POLE: variants seen among roughly 807,000 people sequenced by gnomAD.
POLE encodes DNA polymerase epsilon catalytic subunit A.
In POLE, 188 loss-of-function variants were observed where a neutral mutation model predicts 279.2. That is an observed-to-expected ratio of 0.67 (90% CI 0.60 to 0.76). POLE has a LOEUF of 0.76. Ranked by LOEUF, POLE falls within the 30% of genes least tolerant of loss-of-function variation. The pLI, the probability that POLE is intolerant of heterozygous loss-of-function variation, is 0.00. For synonymous variants in POLE, 1,214 were observed against 1,172.5 expected, an observed-to-expected ratio of 1.04 and a Z score of -0.72; for missense variants, 2,703 against 3,016.7, an observed-to-expected ratio of 0.90 and a Z score of 2.44.
chr12:132,657,358 G>A lies in POLE; in HGVS notation c.3450C>T (p.Ala1150=), dbSNP rs1207177804. The part of the protein sequence containing the change: ...AIQKIITIPA[A]LQQVKNPVPR... ...CTGACCCCGCCCTTACCTGCTGCAG[G>A]GCCGCAGGGATGGTGATGATCTTCT... Residue 1150 remains alanine (A), a synonymous_variant, in exon 28 of 49, where the codon GCC becomes GCT. Transcript: ENST00000320574. 1 of 1,613,942 alleles carries A rather than the reference G, an allele frequency of 6.2e-7. No individual in the cohort carries two copies. Among genetic ancestry groups the A allele is most frequent in the African/African-American group, 1.3e-5 (1 of 74,892 alleles).
Position 132,668,585 on chromosome 12 carries a change from C to T in POLE, c.2026+50G>A, listed in dbSNP as rs374062368. 3.4e-5 allele frequency: 54 copies of T among 1,586,942 alleles called. No individual in the cohort carries two copies. The highest frequency in any genetic ancestry group is 4.2e-5 in the Non-Finnish European group (49 of 1,159,850). ...ACCAAGTGGAGAAAGGCGGCCGACA[C>T]TCACCCACCCGTTTCCCACCGAGTG... On this transcript the variant is annotated intron_variant, in intron 18 of 48. Coordinates refer to ENST00000320574, the MANE Select transcript of POLE (RefSeq NM_006231.4). The surrounding 1 kb of genome is among the most constrained non-coding windows in gnomAD (Gnocchi z 4.0).
At position 132,635,895 on chromosome 12, in the gene POLE, T is replaced by C. The variant is rs764895623; in HGVS notation, c.5808A>G (p.Gly1936=). The change falls in exon 42 of 49, where the codon GGA becomes GGG. Residue 1936 remains glycine, a synonymous_variant. Coordinates refer to ENST00000320574, the MANE Select transcript of POLE (RefSeq NM_006231.4). The part of the protein sequence containing the change: ...KGKVSSRIHC[G]LQDSQKAGGA... ...TGCCACACTGCAGCTCGCTTACCAG[T>C]CCACAGTGAATACGAGATGAAACTT... 2.5e-6 allele frequency: 4 copies of C among 1,611,870 alleles called. No homozygotes were observed. Among genetic ancestry groups the C allele is most frequent in the South Asian group, 1.1e-5 (1 of 90,806 alleles).
rs1032708154 is a variant in POLE, at chr12:132,661,886, G to A, written c.2707-202C>T. Reference sequence around the variant, plus strand: ...CAGGTGTATCTGTTAGGTCCAAGAAGCCAGACCCAAAATGCTACAGGCCGT... The same window carrying A: ...CAGGTGTATCTGTTAGGTCCAAGAAACCAGACCCAAAATGCTACAGGCCGT... On this transcript the variant is annotated intron_variant, in intron 23 of 48. Transcript: ENST00000320574. This position sits in a 1 kb window ranked among gnomAD's most constrained non-coding sequence, Gnocchi z 4.1. 6.6e-6 allele frequency among the ~76,000 whole-genome samples: 1 copy of A among 152,210 alleles called. No homozygotes were observed. The highest frequency in any genetic ancestry group is 1.5e-5 in the Non-Finnish European group (1 of 68,048).
intron 39 of POLE, chr12:132,641,360 C>G (rs1427318608): frequency 2.1e-6 from 1 of 487,378 alleles, no homozygotes. Flanking sequence ...TGTGATGTAC[C>G]TTTGGTCACA....
In POLE at chr12:132,624,705, C is replaced by T. The variant is rs1245794040; in HGVS notation, c.6853G>A (p.Gly2285Ser). 9 of 1,607,022 alleles carry T rather than the reference C, an allele frequency of 5.6e-6. No homozygotes were observed. Among genetic ancestry groups the T allele is most frequent in the East Asian group, 2.2e-5 (1 of 44,838 alleles). ...CCGGGGCCCGGGGCTGGCTAATGGC[C>T]CAGCTGTGGGTTCTTCTGCAGCAGC... ...EWLLQKNPQL[G>S]H The change falls in exon 49 of 49, where the codon GGC becomes AGC. Residue 2285 changes from glycine (G) to serine (S), a missense_variant. By Grantham distance (56) the Gly-to-Ser change is moderately conservative. This residue lies in a region of POLE where 1,551 missense variants were observed against 1,686.1 expected (regional missense o/e 0.92). Coordinates refer to ENST00000320574, the MANE Select transcript of POLE (RefSeq NM_006231.4).
chr12:132,625,146 T>A (rs1039235394), intron 47 of POLE, 152 bp from the exon 48 acceptor site: 1 of 685,324 alleles, frequency 1.5e-6, no homozygotes, highest in Admixed American at 2.1e-5. Context: ...ATGAGTAAAA[T>A]GCACGACCTC....
chr12:132,678,953 C>T (rs2043112090), intron 6 of POLE, among the ~76,000 whole-genome samples: 1 of 152,194 alleles, frequency 6.6e-6, no homozygotes, highest in African/African-American at 2.4e-5. Context: ...TAGAAATGTT[C>T]AGCATCCCAA....
At position 132,642,897 on chromosome 12, in the gene POLE, G is replaced by A. The variant is rs750079093; in HGVS notation, c.4651C>T (p.His1551Tyr). The change falls in exon 36 of 49, where the codon CAC (histidine) becomes TAC (tyrosine). Residue 1551 changes from histidine to tyrosine, a missense_variant. Coordinates refer to ENST00000320574, the MANE Select transcript of POLE (RefSeq NM_006231.4). ...VGPELLPPPK[H>Y]TFEVRAETDL... The stretch of plus-strand genomic sequence containing the variant: ...GTTTCTGCCCGAACTTCGAAGGTGT[G>A]TTTGGGGGGTGGCAGGAGCTCAGGG... 2 of 1,613,814 alleles carry A rather than the reference G, an allele frequency of 1.2e-6. No individual in the cohort carries two copies. The highest frequency in any genetic ancestry group is 1.7e-4 in the Middle Eastern group (1 of 6,050).
At position 132,634,481 on chromosome 12, in the gene POLE, G is replaced by A. The variant is rs2041997251; in HGVS notation, c.5812-103C>T. 1.5e-5 allele frequency: 17 copies of A among 1,150,732 alleles called. No homozygotes were observed. Among genetic ancestry groups the A allele is most frequent in the South Asian group, 8.7e-5 (6 of 69,276 alleles). The allele number at this position is 1,150,732 out of a possible 1,614,324, so 71.3% of individuals were successfully genotyped here. ...CCTCCAACCTGGGTCCATCTGCCCCGTTTGACCAGAGGCCTTCCTCGCAGT... is the reference window on the plus strand; with the variant it reads ...CCTCCAACCTGGGTCCATCTGCCCCATTTGACCAGAGGCCTTCCTCGCAGT... On this transcript the variant is annotated intron_variant, in intron 42 of 48. Coordinates refer to ENST00000320574, the MANE Select transcript of POLE (RefSeq NM_006231.4). This position sits in a 1 kb window ranked among gnomAD's most constrained non-coding sequence, Gnocchi z 4.0.
chr12:132,665,605 T>G (rs1273284276), intron 20 of POLE, among the ~76,000 whole-genome samples, 155 bp from the exon 21 acceptor site: 3 of 152,148 alleles, frequency 2.0e-5, no homozygotes, highest in Non-Finnish European at 2.9e-5. Flanking sequence ...TCTCCTAGAC[T>G]GGCCAACTGT....
chr12:132,660,811 A>G, intron 25 of POLE, 158 bp downstream of exon 25: 1 of 496,130 alleles, frequency 2.0e-6, no homozygotes, highest in Non-Finnish European at 3.5e-6. Context: ...GGGGAACTCC[A>G]AGGGGGTAAT....
rs769080253 is a variant in POLE, at chr12:132,625,774, G to A, written c.6532-4C>T. ...ACTGAGGCAGGACCGCCCCATCCTA[G>A]GCAGAGCAAGAGTGCGAGAGGTCAC... On this transcript the variant is annotated splice_polypyrimidine_tract_variant and splice_region_variant and intron_variant, in intron 46 of 48. Coordinates refer to ENST00000320574, the MANE Select transcript of POLE (RefSeq NM_006231.4). 11 of 1,609,390 alleles carry A rather than the reference G, an allele frequency of 6.8e-6. No homozygotes were observed. The South Asian group carries it at 1.2e-4, about 18-fold the overall frequency.
At chr12:132,676,750 TAA>T (rs1188577631) in intron 8 of POLE, 97 bp from the exon 9 acceptor site, 4 of 756,650 alleles carry the variant, frequency 5.3e-6, no homozygotes, top group South Asian at 1.5e-5. Context: ...CTCTGGTTGT[TAA>T]AAGAGTCAAA....
chr12:132,654,969 C>T (rs975816957), intron 29 of POLE, among the ~76,000 whole-genome samples: 4 of 152,092 alleles, frequency 2.6e-5, no homozygotes, highest in Non-Finnish European at 4.4e-5. Context: ...CAGGTGCCAT[C>T]ATAGCCCACT....
intron 6 of POLE, 63 bp downstream of exon 6, chr12:132,679,434 C>T (rs916608659): frequency 2.0e-6 from 3 of 1,507,888 alleles, no homozygotes; most frequent in East Asian, 2.3e-5. Flanking sequence ...CTACGTGTTC[C>T]TGTCTCCTAT....
At position 132,649,061 on chromosome 12, in the gene POLE, G is replaced by A. The variant is rs1276906694; in HGVS notation, c.4017C>T (p.Thr1339=). The part of the protein sequence containing the change: ...LPWQIVQISE[T]SQAGLFRLWA... ...ACAGCCTGAACAGGCCGGCCTGGCT[G>A]GTCTCGCTGATCTGAAAGGCCACAC... Residue 1339 remains threonine (T), a synonymous_variant, in exon 32 of 49, where the codon ACC becomes ACT. Coordinates refer to ENST00000320574, the MANE Select transcript of POLE (RefSeq NM_006231.4). The A allele has an allele frequency of 6.2e-7, 1 of 1,611,916 alleles. No individual in the cohort carries two copies. The highest frequency in any genetic ancestry group is 8.5e-7 in the Non-Finnish European group (1 of 1,179,554).
At chr12:132,630,442 A>T (rs1313349275) in intron 45 of POLE, among the ~76,000 whole-genome samples, 1 of 152,184 alleles carries the variant, frequency 6.6e-6, no homozygotes, top group African/African-American at 2.4e-5. Context: ...CAGGACAGCA[A>T]AGAAGCCCAT....
rs2138548223 is a variant in POLE at position 132,643,345 on chromosome 12, A to G, written c.4445-15T>C. ...GCGGATACTCCCTGGAGAAGGAAAC[A>G]AGACCGTCACCCCAGATGTGTGGGA... On this transcript the variant is annotated splice_polypyrimidine_tract_variant and intron_variant, in intron 34 of 48. Coordinates refer to ENST00000320574, the MANE Select transcript of POLE (RefSeq NM_006231.4). 1.2e-6 allele frequency: 2 copies of G among 1,614,116 alleles called. No individual in the cohort carries two copies. The highest frequency in any genetic ancestry group is 1.7e-6 in the Non-Finnish European group (2 of 1,180,014).
Position 132,677,285 on chromosome 12 carries a change from T to C in POLE, c.801+78A>G, listed in dbSNP as rs5744753. On this transcript the variant is annotated intron_variant, in intron 8 of 48. Transcript: ENST00000320574. ...GCAGCAAACATATCTTTGAGTCAGA[T>C]TCACTCTCCAGCACTGAAGAATATT... 4,786 of 986,776 alleles carry C rather than the reference T, an allele frequency of 4.9e-3. 110 individuals carry two copies. The African/African-American group carries it at 0.058, about 12-fold the overall frequency. The allele number at this position is 986,776 out of a possible 1,614,324, so 61.1% of individuals were successfully genotyped here. A position where few individuals can be genotyped will look rare whatever the true frequency, so the allele number is the denominator to read the frequency against.
Sources: gnomAD v4.1 joint callset for allele counts (sites outside exome capture counted in the v4.1 genomes callset) on GRCh38, gnomAD v4.1.1 for gene constraint, gnomAD v4.1.1 regional missense constraint, Gnocchi (gnomAD v3.1) non-coding constraint, MANE v1.5 for transcripts, NCBI Gene and HGNC (gene_info 2026-07-23, HGNC 2026-07-21) for gene names.